Variants in SORCS3 observed in about 807,000 individuals in gnomAD.
The protein encoded by SORCS3 is VPS10 domain-containing receptor SorCS3.
In SORCS3, 57 loss-of-function variants were observed where a neutral mutation model predicts 146.3. That is an observed-to-expected ratio of 0.39 (90% CI 0.31 to 0.49). SORCS3 has a LOEUF of 0.49. Ranked by LOEUF, SORCS3 falls within the 20% of genes least tolerant of loss-of-function variation. SORCS3 has a pLI of 0.92. For synonymous variants in SORCS3, 653 were observed against 618.5 expected (o/e 1.06, Z -0.83); for missense variants, 1,341 against 1,575.5 (o/e 0.85, Z 2.52).
In SORCS3 at chr10:104,813,681, C is replaced by T. The variant is rs11813422; in HGVS notation, c.628-29111C>T. Among the ~76,000 whole-genome samples, 858 of 152,170 alleles carry T rather than the reference C, an allele frequency of 5.6e-3. 15 individuals carry two copies. The highest frequency in any genetic ancestry group is 0.019 in the African/African-American group (786 of 41,518). ...TTCATGGGTTGGTTGGAGCTGATGG[C>T]GCCAAATGAGAAGATCCCACTGAAG... On this transcript the variant is annotated intron_variant, in intron 1 of 26. Transcript: ENST00000369701.
In SORCS3 at chr10:104,900,988, G is replaced by A. The variant is rs186217957; in HGVS notation, c.696-14845G>A. On this transcript the variant is annotated intron_variant, in intron 2 of 26. Coordinates refer to ENST00000369701, the MANE Select transcript of SORCS3 (RefSeq NM_014978.3). ...AATACTTGCATTTTTCAGGTTCCAA[G>A]CCTTTGAGCATACTCTTTGTCTTCT... 9.2e-5 allele frequency among the ~76,000 whole-genome samples: 14 copies of A among 152,178 alleles called. No individual in the cohort carries two copies. In the East Asian group the frequency reaches 2.5e-3, roughly 27 times the overall value.
chr10:105,242,608 T>G (rs1564793679), intron 20 of SORCS3, among the ~76,000 whole-genome samples: 2 of 96,226 alleles, frequency 2.1e-5, no homozygotes, highest in African/African-American at 8.6e-5. Flanking sequence ...TTATATACAT[T>G]TATATATATT....
intron 1 of SORCS3, among the ~76,000 whole-genome samples, chr10:104,651,799 A>G (rs2015564082): frequency 6.6e-6 from 1 of 152,058 alleles, no homozygotes; most frequent in Non-Finnish European, 1.5e-5. Flanking sequence ...TGCTGGCCTG[A>G]TTTCCAACCA....
intron 16 of SORCS3, among the ~76,000 whole-genome samples, chr10:105,208,113 G>A (rs1443354180): frequency 6.6e-6 from 1 of 152,108 alleles, no homozygotes; most frequent in Non-Finnish European, 1.5e-5. Flanking sequence ...AGGCTGAGGT[G>A]GGCAGATCAC....
At chr10:105,194,061 A>G (rs1230405827) in intron 14 of SORCS3, among the ~76,000 whole-genome samples, 1 of 152,142 alleles carries the variant, frequency 6.6e-6, no homozygotes, top group East Asian at 1.9e-4. Flanking sequence ...CTATATAGTG[A>G]GAAATAGCAT....
intron 14 of SORCS3, among the ~76,000 whole-genome samples, chr10:105,178,546 T>C (rs1483441962): frequency 6.6e-6 from 1 of 152,030 alleles, no homozygotes; most frequent in Non-Finnish European, 1.5e-5. Context: ...AGTAAAACAG[T>C]CAACTTATTG....
At chr10:104,849,400 A>G (rs1288891133) in intron 2 of SORCS3, among the ~76,000 whole-genome samples, 1 of 125,612 alleles carries the variant, frequency 8.0e-6, no homozygotes, top group Non-Finnish European at 1.6e-5. Context: ...CAACAGAGCG[A>G]GACTCCATCT....
At chr10:104,875,277 A>T (rs2018559821) in intron 2 of SORCS3, among the ~76,000 whole-genome samples, 1 of 152,198 alleles carries the variant, frequency 6.6e-6, no homozygotes, top group Admixed American at 6.5e-5. Context: ...TGCATCAAGG[A>T]TGCCATCTTG....
In SORCS3 at chr10:104,803,991, A is replaced by T. The variant is rs140460419; in HGVS notation, c.628-38801A>T. 5.6e-3 allele frequency among the ~76,000 whole-genome samples: 851 copies of T among 152,328 alleles called. 15 individuals are homozygous for T. Among genetic ancestry groups the T allele is most frequent in the African/African-American group, 0.019 (792 of 41,566 alleles). On this transcript the variant is annotated intron_variant, in intron 1 of 26. Coordinates refer to ENST00000369701, the MANE Select transcript of SORCS3 (RefSeq NM_014978.3). ...ACCACACAAGACTGAGACCCAAGTC[A>T]GCCCTGGAGAACTGTTTTGGGGTTT...
At chr10:104,655,675 T>A (rs1186835806) in intron 1 of SORCS3, among the ~76,000 whole-genome samples, 1 of 152,188 alleles carries the variant, frequency 6.6e-6, no homozygotes, top group Non-Finnish European at 1.5e-5. Context: ...GAGACAGATT[T>A]CTCATGAATG....
In SORCS3 at chr10:105,265,077, T is replaced by C. The variant is rs1431796296; in HGVS notation, c.*1703T>C. On this transcript the variant is annotated 3_prime_UTR_variant, in exon 27 of 27. Coordinates refer to ENST00000369701, the MANE Select transcript of SORCS3 (RefSeq NM_014978.3). ...TAAATGGGGCAGACAATTGCAATAC[T>C]TGTACTAAACACTGGAATACAAATG... The C allele has an allele frequency of 6.6e-6, 1 of 152,584 alleles. No individual in the cohort carries two copies. Among genetic ancestry groups the C allele is most frequent in the Non-Finnish European group, 1.5e-5 (1 of 68,030 alleles). The allele number at this position is 152,584 out of a possible 1,614,324, so 9.5% of individuals were successfully genotyped here.
chr10:104,692,338 A>G (rs1241324966), intron 1 of SORCS3, among the ~76,000 whole-genome samples: 2 of 152,210 alleles, frequency 1.3e-5, no homozygotes, highest in Non-Finnish European at 2.9e-5. Context: ...ACAGTGCCTC[A>G]GTGGTCAAGG....
intron 5 of SORCS3, among the ~76,000 whole-genome samples, chr10:105,081,636 T>G (rs923414759): frequency 6.6e-6 from 1 of 152,210 alleles, no homozygotes; most frequent in Non-Finnish European, 1.5e-5. Context: ...TTGAAGCCAC[T>G]TGACCTTTTC....
chr10:105,002,138 G>T (rs1475244834), intron 4 of SORCS3, among the ~76,000 whole-genome samples: 1 of 152,118 alleles, frequency 6.6e-6, no homozygotes, highest in African/African-American at 2.4e-5. Flanking sequence ...GGATGATTAA[G>T]GACCTTCATA....
In SORCS3 at chr10:105,090,781, G is replaced by T. The variant is rs1160587208; in HGVS notation, c.1093+942G>T. 3.3e-5 allele frequency among the ~76,000 whole-genome samples: 5 copies of T among 152,176 alleles called. No individual in the cohort carries two copies. In the South Asian group the frequency reaches 1.0e-3, roughly 32 times the overall value. The stretch of plus-strand genomic sequence containing the variant: ...CATCCTTGCCCGGAGCACCTCCCAG[G>T]ATTATAGGTTAATCAAATAGAAGAT... On this transcript the variant is annotated intron_variant, in intron 6 of 26. Transcript: ENST00000369701.
At position 105,231,357 on chromosome 10, in the gene SORCS3, G is replaced by A. The variant is rs1438088260; in HGVS notation, c.2868+8108G>A. ...AGGAAAGTGATCAACTTTTATATAT[G>A]AACCTTGTATCCTGTAACCTTGCTA... On this transcript the variant is annotated intron_variant, in intron 20 of 26. Transcript: ENST00000369701. Among the ~76,000 whole-genome samples the A allele has an allele frequency of 3.9e-5, 6 of 152,268 alleles. No individual in the cohort carries two copies. In the South Asian group the frequency reaches 6.2e-4, roughly 16 times the overall value.
chr10:104,986,395 T>C (rs371478099), intron 4 of SORCS3, among the ~76,000 whole-genome samples: 31 of 152,358 alleles, frequency 2.0e-4, no homozygotes, highest in African/African-American at 7.2e-4. Context: ...TTTGATCTTG[T>C]ATCTAGACCA....
chr10:104,874,623 G>A (rs1006765375), intron 2 of SORCS3, among the ~76,000 whole-genome samples: 10 of 152,052 alleles, frequency 6.6e-5, no homozygotes, highest in African/African-American at 2.4e-4. Context: ...TAATTGGGAT[G>A]GGTAGAATTA....
At chr10:104,989,863 C>T (rs1466454251) in intron 4 of SORCS3, among the ~76,000 whole-genome samples, 2 of 152,306 alleles carry the variant, frequency 1.3e-5, no homozygotes, top group East Asian at 3.9e-4. Context: ...GATGTTTCTT[C>T]TCTGTGTAAT....
Sources: allele counts gnomAD v4.1 joint callset (sites outside exome capture counted in the v4.1 genomes callset), GRCh38; gene constraint gnomAD v4.1.1; transcripts MANE v1.5; gene names NCBI Gene and HGNC (gene_info 2026-07-23, HGNC 2026-07-21).